Variants in PTPRR observed in about 807,000 individuals in gnomAD.
The protein encoded by PTPRR is protein tyrosine phosphatase receptor type R.
Under a neutral mutation model 77.2 loss-of-function variants are expected in PTPRR, and 38 were observed. The ratio of observed to expected loss-of-function variants is 0.49; its 90% CI spans 0.38 to 0.65. PTPRR has a LOEUF of 0.65. Among genes scored for constraint, PTPRR ranks in the 30% least tolerant of loss-of-function variants. The pLI is 0.00. For synonymous variants in PTPRR, 299 were observed against 283.1 expected, an observed-to-expected ratio of 1.06 and a Z score of -0.57; for missense variants, 744 against 799.2, an observed-to-expected ratio of 0.93 and a Z score of 0.83.
At chr12:70,859,703 C>A (rs1040250596) in intron 2 of PTPRR, among the ~76,000 whole-genome samples, 12 of 151,962 alleles carry the variant, frequency 7.9e-5, no homozygotes, top group Non-Finnish European at 1.5e-5. Flanking sequence ...AAATAGGCAA[C>A]AAATATATCA....
At chr12:70,912,086 A>G (rs1003939642) in intron 1 of PTPRR, among the ~76,000 whole-genome samples, 1 of 152,216 alleles carries the variant, frequency 6.6e-6, no homozygotes, top group Non-Finnish European at 1.5e-5. Flanking sequence ...ACCACCTTGA[A>G]TCAAGAAGAC....
At chr12:70,672,441 C>T in intron 10 of PTPRR, 2 of 1,092,068 alleles carry the variant, frequency 1.8e-6, no homozygotes, top group South Asian at 1.2e-5. Context: ...ACATCAAGGC[C>T]ACAGATGCCA....
At chr12:70,877,924 A>G (rs1298716173) in intron 2 of PTPRR, among the ~76,000 whole-genome samples, 1 of 152,182 alleles carries the variant, frequency 6.6e-6, no homozygotes, top group Non-Finnish European at 1.5e-5. Context: ...GGAACAGAAC[A>G]CAGCCCTAAG....
chr12:70,907,093 T>C (rs1462981112), intron 1 of PTPRR: 2 of 152,226 alleles, frequency 1.3e-5, no homozygotes, highest in Non-Finnish European at 2.9e-5. Flanking sequence ...CACTGGCTAC[T>C]AAGATGTGAA....
chr12:70,789,842 G>A (rs1891392571), intron 2 of PTPRR, among the ~76,000 whole-genome samples: 1 of 152,012 alleles, frequency 6.6e-6, no homozygotes, highest in East Asian at 1.9e-4. Flanking sequence ...AGTGTTAAGG[G>A]TATTAAAAAT....
At position 70,748,305 on chromosome 12, in the gene PTPRR, G is replaced by A. The variant is rs960185808; in HGVS notation, c.739-2219C>T. 5.3e-5 allele frequency among the ~76,000 whole-genome samples: 8 copies of A among 152,146 alleles called. No homozygotes were observed. In the East Asian group the frequency reaches 1.5e-3, roughly 29 times the overall value. ...ATTCAACTCTATTGTTTCCTCCAAA[G>A]TCTCATGTCCTTCTTTGAAACCTCT... On this transcript the variant is annotated intron_variant, in intron 5 of 13. Coordinates refer to ENST00000283228, the MANE Select transcript of PTPRR (RefSeq NM_002849.4).
intron 2 of PTPRR, among the ~76,000 whole-genome samples, chr12:70,791,045 G>C (rs1403445114): frequency 6.6e-6 from 1 of 152,134 alleles, no homozygotes; most frequent in Non-Finnish European, 1.5e-5. Flanking sequence ...TGCCAAAGCA[G>C]TTCTCCCTGC....
chr12:70,643,859 A>G (rs530969196), intron 13 of PTPRR, among the ~76,000 whole-genome samples: 1 of 152,008 alleles, frequency 6.6e-6, no homozygotes, highest in East Asian at 1.9e-4. Context: ...CTCCCAGGTC[A>G]ACTGATCTCC....
chr12:70,881,937 T>C (rs1893156114), intron 2 of PTPRR, among the ~76,000 whole-genome samples: 1 of 152,218 alleles, frequency 6.6e-6, no homozygotes, highest in South Asian at 2.1e-4. Flanking sequence ...GAGAGTTGAA[T>C]ATTTCCTATA....
At chr12:70,751,469 C>T (rs1390108698) in intron 5 of PTPRR, among the ~76,000 whole-genome samples, 1 of 152,140 alleles carries the variant, frequency 6.6e-6, no homozygotes, top group Non-Finnish European at 1.5e-5. Context: ...TTTAAACACA[C>T]ACAGCAGATC....
chr12:70,712,527 A>G (rs557438057), intron 6 of PTPRR, among the ~76,000 whole-genome samples: 1 of 150,316 alleles, frequency 6.7e-6, no homozygotes. Context: ...TCAAGTGCAG[A>G]TATTAGGCAT....
At chr12:70,798,643 A>C (rs981029873) in intron 2 of PTPRR, among the ~76,000 whole-genome samples, 1 of 152,066 alleles carries the variant, frequency 6.6e-6, no homozygotes, top group African/African-American at 2.4e-5. Context: ...TCATAATGTG[A>C]TCTGCCAAAT....
At chr12:70,874,345 C>T (rs1044042243) in intron 2 of PTPRR, among the ~76,000 whole-genome samples, 5 of 151,970 alleles carry the variant, frequency 3.3e-5, no homozygotes, top group African/African-American at 7.3e-5. Context: ...GCACAGGTGG[C>T]GACCAAGATA....
intron 1 of PTPRR, among the ~76,000 whole-genome samples, chr12:70,901,612 G>T (rs931421710): frequency 6.6e-6 from 1 of 151,608 alleles, no homozygotes; most frequent in Non-Finnish European, 1.5e-5. Flanking sequence ...ATCAACTCAA[G>T]ATGGATTAAG....
At chr12:70,914,836 A>G (rs558296023) in intron 1 of PTPRR, among the ~76,000 whole-genome samples, 1 of 151,742 alleles carries the variant, frequency 6.6e-6, no homozygotes, top group East Asian at 1.9e-4. Context: ...CAACAACAAC[A>G]GCAACAACAA....
chr12:70,792,383 A>G (rs1891436427), intron 2 of PTPRR, among the ~76,000 whole-genome samples: 2 of 152,176 alleles, frequency 1.3e-5, no homozygotes, highest in Admixed American at 6.5e-5. Context: ...TTTTTCAACT[A>G]TGTCATGTGG....
intron 4 of PTPRR, 142 bp downstream of exon 4, chr12:70,761,329 G>C: frequency 1.4e-6 from 1 of 729,776 alleles, no homozygotes; most frequent in Non-Finnish European, 2.1e-6. Flanking sequence ...GTAAAGATCA[G>C]AGAATTCTGA....
intron 2 of PTPRR, among the ~76,000 whole-genome samples, chr12:70,859,442 C>G (rs1040218432): frequency 6.6e-6 from 1 of 151,874 alleles, no homozygotes; most frequent in Non-Finnish European, 1.5e-5. Context: ...ATTGTATCAT[C>G]GTTTTATGAT....
chr12:70,860,499 CT>C (rs1316283993), intron 2 of PTPRR, among the ~76,000 whole-genome samples: 4 of 152,104 alleles, frequency 2.6e-5, no homozygotes, highest in African/African-American at 4.8e-5. Context: ...CATGTGGAAA[CT>C]TCTGTATTAG....
Sources: allele counts gnomAD v4.1 joint callset (sites outside exome capture counted in the v4.1 genomes callset), GRCh38; gene constraint gnomAD v4.1.1; transcripts MANE v1.5; gene names NCBI Gene and HGNC (gene_info 2026-07-23, HGNC 2026-07-21).